Variants in COL14A1 observed in about 807,000 individuals in gnomAD.
The protein encoded by COL14A1 is collagen alpha-1(XIV) chain.
Under a neutral mutation model 230.3 loss-of-function variants are expected in COL14A1, and 136 were observed. That is an observed-to-expected ratio of 0.59 (90% CI 0.51 to 0.68). The LOEUF (loss-of-function observed/expected upper bound fraction) is 0.68, where lower values mean the gene tolerates loss of function less well. Among genes scored for constraint, COL14A1 ranks in the 30% least tolerant of loss-of-function variants. The probability of loss-of-function intolerance (pLI) is 0.00; values close to 1 mark genes in which losing one functional copy is unlikely to be tolerated. For synonymous variants in COL14A1, 792 were observed against 784.1 expected (o/e 1.01, Z -0.17); for missense variants, 1,976 against 2,215.8 (o/e 0.89, Z 2.17).
At chr8:120,298,638 T>TATATATATATATAC (rs398009611) in intron 35 of COL14A1, among the ~76,000 whole-genome samples, 1 of 118,920 alleles carries the variant, frequency 8.4e-6, no homozygotes, top group Non-Finnish European at 1.8e-5. Context: ...TATATATATA[T>TATATATATATATAC]ACAAAAATAC....
At chr8:120,312,285 G>T (rs1821068848) in intron 37 of COL14A1, among the ~76,000 whole-genome samples, 1 of 151,948 alleles carries the variant, frequency 6.6e-6, no homozygotes, top group African/African-American at 2.4e-5. Context: ...ATCATTCAGT[G>T]CTTCCACACG....
chr8:120,271,652 C>T (rs973584589), intron 26 of COL14A1, among the ~76,000 whole-genome samples: 1 of 151,412 alleles, frequency 6.6e-6, no homozygotes, highest in Non-Finnish European at 1.5e-5. Flanking sequence ...GTACAGAGGA[C>T]CCAAGGTGAG....
At chr8:120,237,791 G>A (rs1043673941) in intron 19 of COL14A1, among the ~76,000 whole-genome samples, 5 of 152,052 alleles carry the variant, frequency 3.3e-5, no homozygotes, top group Admixed American at 1.3e-4. Context: ...CTTTGGATGG[G>A]GTTTGAGTGG....
Position 120,315,938 on chromosome 8 carries a change from A to T in COL14A1, c.4606-6A>T, listed in dbSNP as rs1454438641. The T allele has an allele frequency of 6.2e-7, 1 of 1,613,572 alleles. No individual in the cohort carries two copies. The highest frequency in any genetic ancestry group is 8.5e-7 in the Non-Finnish European group (1 of 1,179,914). On this transcript the variant is annotated splice_polypyrimidine_tract_variant and splice_region_variant and intron_variant, in intron 39 of 47. Coordinates refer to ENST00000297848, the MANE Select transcript of COL14A1 (RefSeq NM_021110.4). ...CCTGACTCTTTTTTGTCCCTGTTCTACACAGGGTATCCCAGGAGGCGTTGG... is the reference window on the plus strand; with the variant it reads ...CCTGACTCTTTTTTGTCCCTGTTCTTCACAGGGTATCCCAGGAGGCGTTGG...
chr8:120,192,833 C>T (rs1286534595), intron 5 of COL14A1, among the ~76,000 whole-genome samples: 3 of 152,274 alleles, frequency 2.0e-5, no homozygotes, highest in South Asian at 2.1e-4. Flanking sequence ...TCCAGTTGAT[C>T]GCATTGGCTC....
intron 26 of COL14A1, among the ~76,000 whole-genome samples, chr8:120,273,495 A>G (rs1819737400): frequency 6.6e-6 from 1 of 151,944 alleles, no homozygotes; most frequent in African/African-American, 2.4e-5. Context: ...AGATCAATGA[A>G]ACAAAAAATT....
rs73706436 is a variant in COL14A1 at position 120,332,222 on chromosome 8, A to C, written c.4713+28A>C. 3 of 1,602,824 alleles carry C rather than the reference A, an allele frequency of 1.9e-6. No individual in the cohort carries two copies. The South Asian group carries it at 3.3e-5, about 18-fold the overall frequency. On this transcript the variant is annotated intron_variant, in intron 41 of 47. Coordinates refer to ENST00000297848, the MANE Select transcript of COL14A1 (RefSeq NM_021110.4). ...AAGCCTTTCCAGAAACTACTGGGACATACTCTGTTTTAAAGCACTTCATTT... is the reference window on the plus strand; with the variant it reads ...AAGCCTTTCCAGAAACTACTGGGACCTACTCTGTTTTAAAGCACTTCATTT...
chr8:120,269,599 C>G (rs941413245), intron 25 of COL14A1, among the ~76,000 whole-genome samples: 6 of 151,762 alleles, frequency 4.0e-5, no homozygotes, highest in Admixed American at 2.6e-4. Context: ...GAAATTGAAT[C>G]TCTCTGACAT....
chr8:120,338,726 C>T (rs1425641066), intron 42 of COL14A1, among the ~76,000 whole-genome samples: 5 of 152,136 alleles, frequency 3.3e-5, no homozygotes, highest in African/African-American at 7.2e-5. Context: ...AAGCAGCCTA[C>T]GTATCAGCTA....
rs370333239 is a variant in COL14A1 at position 120,145,339 on chromosome 8, CT to C, written c.-37-2466del. On this transcript the variant is annotated intron_variant, in intron 1 of 47. Transcript: ENST00000297848. ...AAACCTTAAAAACATGCATCTTGGG[CT>C]GTGTGAGGTGGCTCAGGCCTGTAAT... Among the ~76,000 whole-genome samples, 7 of 152,282 alleles carry C rather than the reference CT, an allele frequency of 4.6e-5. No homozygotes were observed. In the East Asian group the frequency reaches 1.4e-3, roughly 29 times the overall value.
chr8:120,372,315 T>A lies in COL14A1; in HGVS notation c.*1084T>A, dbSNP rs547231972. ...TGCATGACCTCTGCTAAATAAATGT[T>A]TATCAATAGTTGACTGAGGAGCCCA... is the stretch of plus-strand genomic sequence containing the variant. On this transcript the variant is annotated 3_prime_UTR_variant, in exon 48 of 48. Coordinates refer to ENST00000297848, the MANE Select transcript of COL14A1 (RefSeq NM_021110.4). Among the ~76,000 whole-genome samples the A allele has an allele frequency of 6.6e-6, 1 of 152,184 alleles. No homozygotes were observed. The highest frequency in any genetic ancestry group is 2.4e-5 in the African/African-American group (1 of 41,442).
chr8:120,238,495 C>A (rs754445566), intron 19 of COL14A1, among the ~76,000 whole-genome samples: 78 of 152,330 alleles, frequency 5.1e-4, no homozygotes, highest in Non-Finnish European at 9.4e-4. Context: ...CTTCACATTG[C>A]TGTGCTGGCA....
rs1402881284 is a variant in COL14A1, at chr8:120,197,815, T to C, written c.597T>C (p.Leu199=). The change falls in exon 7 of 48, where the codon CTT becomes CTC. Residue 199 remains leucine (L), a synonymous_variant. Coordinates refer to ENST00000297848, the MANE Select transcript of COL14A1 (RefSeq NM_021110.4). ...TTTCCTAATCTTTTTTTCCAGGTCT[T>C]GCACAGTATAGTGGTGACCCCAGAA... ...DVGSEKTRIG[L]AQYSGDPRIE... is the part of the protein sequence containing the mutation. The C allele has an allele frequency of 6.9e-5, 111 of 1,612,514 alleles. No individual in the cohort carries two copies. The highest frequency in any genetic ancestry group is 9.3e-5 in the Non-Finnish European group (110 of 1,179,084).
chr8:120,197,843 G>T lies in COL14A1; in HGVS notation c.625G>T (p.Glu209Ter). 1 of 1,613,658 alleles carries T rather than the reference G, an allele frequency of 6.2e-7. No homozygotes were observed. The highest frequency in any genetic ancestry group is 8.5e-7 in the Non-Finnish European group (1 of 1,179,694). Residue 209 changes from glutamate to a stop codon, truncating the protein, a stop_gained, in exon 7 of 48, where the codon GAA becomes TAA. Transcript: ENST00000297848. LOFTEE classifies it high-confidence loss of function. ...LAQYSGDPRIEWHLNAFSTKD... is the reference protein window; with the variant it reads ...LAQYSGDPRI The stretch of plus-strand genomic sequence containing the variant: ...ACAGTATAGTGGTGACCCCAGAATA[G>T]AATGGCACTTGAATGCATTTAGCAC...
At chr8:120,204,080 C>T (rs912684455) in intron 9 of COL14A1, among the ~76,000 whole-genome samples, 1 of 152,086 alleles carries the variant, frequency 6.6e-6, no homozygotes, top group African/African-American at 2.4e-5. Flanking sequence ...ATGATTTTCT[C>T]CATAATGTTA....
intron 5 of COL14A1, among the ~76,000 whole-genome samples, chr8:120,194,725 A>G (rs977081580): frequency 6.6e-6 from 1 of 152,160 alleles, no homozygotes; most frequent in Non-Finnish European, 1.5e-5. Flanking sequence ...ATGGTTCCCA[A>G]TTAATTTATA....
At chr8:120,229,511 T>C (rs1232354271) in intron 18 of COL14A1, among the ~76,000 whole-genome samples, 1 of 151,964 alleles carries the variant, frequency 6.6e-6, no homozygotes, top group Non-Finnish European at 1.5e-5. Context: ...CAGTCTATCA[T>C]TGTTGGACAT....
At chr8:120,144,310 C>A (rs950384762) in intron 1 of COL14A1, among the ~76,000 whole-genome samples, 1 of 151,838 alleles carries the variant, frequency 6.6e-6, no homozygotes, top group Non-Finnish European at 1.5e-5. Flanking sequence ...GCCTGAAAGC[C>A]AAAGCCATTA....
At chr8:120,253,339 T>C (rs1819036423) in intron 22 of COL14A1, among the ~76,000 whole-genome samples, 1 of 152,092 alleles carries the variant, frequency 6.6e-6, no homozygotes, top group East Asian at 1.9e-4. Flanking sequence ...CTCTTCTCCC[T>C]AGTCTTTCTT....
Sources: allele counts gnomAD v4.1 joint callset (sites outside exome capture counted in the v4.1 genomes callset), GRCh38; gene constraint gnomAD v4.1.1; transcripts MANE v1.5; gene names NCBI Gene and HGNC (gene_info 2026-07-23, HGNC 2026-07-21).